Variants in SCAF8 observed in about 807,000 individuals in gnomAD.
SCAF8 encodes SR-related CTD associated factor 8.
SCAF8 carries 23 observed loss-of-function variants against 140.5 expected under a neutral mutation model. That is an observed-to-expected ratio of 0.16 (90% CI 0.12 to 0.23). The LOEUF is 0.23. SCAF8 is among the 10% of genes least tolerant of loss of function. The probability of loss-of-function intolerance (pLI) is 1.00; values close to 1 mark genes in which losing one functional copy is unlikely to be tolerated. For missense variants in SCAF8, 1,397 were observed against 1,555.7 expected, an observed-to-expected ratio of 0.90 and a Z score of 1.72; for synonymous variants, 575 against 528.9, an observed-to-expected ratio of 1.09 and a Z score of -1.20.
intron 18 of SCAF8, among the ~76,000 whole-genome samples, chr6:154,828,923 T>C: frequency 6.6e-6 from 1 of 152,254 alleles, no homozygotes. Context: ...AATATAGACA[T>C]ACACATAGTA....
chr6:154,784,120 G>GAGATATATATATATATAT (rs1362230678), intron 3 of SCAF8, among the ~76,000 whole-genome samples: 6 of 106,884 alleles, frequency 5.6e-5, no homozygotes, highest in African/African-American at 1.9e-4. Flanking sequence ...GGTGTCTTGA[G>GAGATATATATATATATAT]ATATATATAT....
At chr6:154,773,837 C>A (rs1017189346) in intron 1 of SCAF8, 152 bp from the exon 2 acceptor site, 1 of 605,988 alleles carries the variant, frequency 1.7e-6, no homozygotes, top group Admixed American at 3.1e-5. Flanking sequence ...TTTTGATTTG[C>A]ATTTGCCTTA....
chr6:154,746,468 A>C (rs1778701829), intron 1 of SCAF8, among the ~76,000 whole-genome samples: 1 of 152,158 alleles, frequency 6.6e-6, no homozygotes, highest in African/African-American at 2.4e-5. Flanking sequence ...CTAAAAAGCC[A>C]TGAATTCATC....
chr6:154,740,602 A>ATTTTCTTTTTCT (rs771817630), intron 1 of SCAF8, among the ~76,000 whole-genome samples: 2 of 146,534 alleles, frequency 1.4e-5, no homozygotes, highest in Admixed American at 7.0e-5. Context: ...TGAAGTAAAG[A>ATTTTCTTTTTCT]TTTTCTTTTT....
intron 6 of SCAF8, among the ~76,000 whole-genome samples, chr6:154,801,561 A>C (rs746419410): frequency 7.9e-5 from 12 of 151,416 alleles, no homozygotes; most frequent in Non-Finnish European, 1.2e-4. Context: ...AGATTTCTTA[A>C]TGACTCTCCA....
rs975743765 is a variant in SCAF8, at chr6:154,808,929, A to T, written c.1226+131A>T. ...TTCTCAGTCTCTCGGAAAAAAAGTT[A>T]TTCCAAAAACAAGATAACCTTTGTT... On this transcript the variant is annotated intron_variant, in intron 11 of 19. Coordinates refer to ENST00000367178, the MANE Select transcript of SCAF8 (RefSeq NM_014892.5). 83 of 632,356 alleles carry T rather than the reference A, an allele frequency of 1.3e-4. No individual in the cohort carries two copies. The African/African-American group carries it at 1.4e-3, about 11-fold the overall frequency. The allele number at this position is 632,356 out of a possible 1,614,324, so 39.2% of individuals were successfully genotyped here.
intron 11 of SCAF8, among the ~76,000 whole-genome samples, chr6:154,809,140 C>T (rs1241298541): frequency 1.3e-5 from 2 of 152,144 alleles, no homozygotes; most frequent in Admixed American, 6.6e-5. Context: ...TTCCACTCAT[C>T]TCACAGTGAT....
intron 16 of SCAF8, among the ~76,000 whole-genome samples, chr6:154,823,337 T>A (rs1283392822): frequency 6.6e-6 from 1 of 152,192 alleles, no homozygotes; most frequent in Admixed American, 6.5e-5. Flanking sequence ...ATTTTGAGAA[T>A]AGGCTGTAGT....
intron 16 of SCAF8, among the ~76,000 whole-genome samples, 160 bp from the exon 17 acceptor site, chr6:154,824,074 C>G (rs1038111950): frequency 2.1e-4 from 32 of 152,222 alleles, no homozygotes; most frequent in African/African-American, 7.5e-4. Context: ...TGTTTTTACC[C>G]TAAGTAGGTT....
At position 154,833,437 on chromosome 6, in the gene SCAF8, ATC is replaced by A. The variant is rs1327914178; in HGVS notation, c.*48_*49del. 2.5e-6 allele frequency: 4 copies of A among 1,571,492 alleles called. No homozygotes were observed. Among genetic ancestry groups the A allele is most frequent in the Admixed American group, 1.8e-5 (1 of 55,822 alleles). The stretch of plus-strand genomic sequence containing the variant: ...AAAAGATACCTTTTGTAAAGTTGTC[ATC>A]TCTCTGTAATAGATAATGGCTGACT... On this transcript the variant is annotated 3_prime_UTR_variant, in exon 20 of 20. Coordinates refer to ENST00000367178, the MANE Select transcript of SCAF8 (RefSeq NM_014892.5).
At chr6:154,783,798 T>C (rs1777153535) in intron 3 of SCAF8, among the ~76,000 whole-genome samples, 2 of 152,140 alleles carry the variant, frequency 1.3e-5, no homozygotes, top group South Asian at 4.1e-4. Context: ...CTAGGTGCAG[T>C]GGCTCACGCC....
At chr6:154,747,850 A>T (rs1778740474) in intron 1 of SCAF8, among the ~76,000 whole-genome samples, 1 of 152,002 alleles carries the variant, frequency 6.6e-6, no homozygotes, top group South Asian at 2.1e-4. Context: ...AGACCAAATG[A>T]AAAACCAAAA....
Position 154,832,750 on chromosome 6 carries a change from G to C in SCAF8, c.3171G>C (p.Arg1057Ser). 1 of 1,613,922 alleles carries C rather than the reference G, an allele frequency of 6.2e-7. No individual in the cohort carries two copies. The highest frequency in any genetic ancestry group is 8.5e-7 in the Non-Finnish European group (1 of 1,179,976). ...EGPGRPPLDG[R>S]DHFGRPPVDI... ...CTGGACGGCCTCCACTAGATGGTAG[G>C]GATCATTTTGGAAGACCTCCTGTAG... The change falls in exon 20 of 20, where the codon AGG becomes AGC. Residue 1057 changes from arginine (R) to serine (S), a missense_variant. Coordinates refer to ENST00000367178, the MANE Select transcript of SCAF8 (RefSeq NM_014892.5).
intron 3 of SCAF8, among the ~76,000 whole-genome samples, chr6:154,783,973 A>C (rs965884635): frequency 6.6e-6 from 1 of 151,988 alleles, no homozygotes; most frequent in Non-Finnish European, 1.5e-5. Context: ...AGGCTGAGGC[A>C]GGAGAATTGC....
At chr6:154,814,652 A>G (rs1778194623) in intron 12 of SCAF8, among the ~76,000 whole-genome samples, 1 of 152,208 alleles carries the variant, frequency 6.6e-6, no homozygotes, top group Admixed American at 6.5e-5. Context: ...GTAGCCAGAA[A>G]TGTGGACATT....
intron 6 of SCAF8, among the ~76,000 whole-genome samples, chr6:154,800,829 T>C (rs1377397620): frequency 1.3e-5 from 2 of 151,564 alleles, no homozygotes; most frequent in Non-Finnish European, 2.9e-5. Flanking sequence ...GGTGAAATTA[T>C]AGAATTAGTA....
In SCAF8 at chr6:154,827,144, A is replaced by G. The variant is rs770705052; in HGVS notation, c.2072-28A>G. ...TAAAATAAGTAATTTTTCTTGTGCTATTTTTTGGGGTTTTTTTTTCTGTCT... is the reference window on the plus strand; with the variant it reads ...TAAAATAAGTAATTTTTCTTGTGCTGTTTTTTGGGGTTTTTTTTTCTGTCT... On this transcript the variant is annotated intron_variant, in intron 17 of 19. Transcript: ENST00000367178. The G allele has an allele frequency of 3.2e-6, 5 of 1,577,056 alleles. No homozygotes were observed. In the South Asian group the frequency reaches 4.8e-5, roughly 15 times the overall value.
At chr6:154,737,890 A>G (rs912713127) in intron 1 of SCAF8, among the ~76,000 whole-genome samples, 1 of 152,176 alleles carries the variant, frequency 6.6e-6, no homozygotes, top group African/African-American at 2.4e-5. Context: ...CCCAAATTAA[A>G]TGTTTAAAAT....
chr6:154,750,606 G>T (rs1778814233), intron 1 of SCAF8, among the ~76,000 whole-genome samples: 1 of 152,090 alleles, frequency 6.6e-6, no homozygotes, highest in African/African-American at 2.4e-5. Flanking sequence ...AAATTGAATG[G>T]CCTGTGAATA....
Sources: allele counts gnomAD v4.1 joint callset (sites outside exome capture counted in the v4.1 genomes callset), GRCh38; gene constraint gnomAD v4.1.1; transcripts MANE v1.5; gene names NCBI Gene and HGNC (gene_info 2026-07-23, HGNC 2026-07-21).